Variants in RPS6KA1 observed in about 807,000 individuals in gnomAD.
The protein encoded by RPS6KA1 is ribosomal protein S6 kinase alpha-1.
RPS6KA1 carries 48 observed loss-of-function variants against 91.3 expected under a neutral mutation model. The ratio of observed to expected loss-of-function variants is 0.53; its 90% CI spans 0.42 to 0.67. The LOEUF is 0.67. Ranked by LOEUF, RPS6KA1 falls within the 30% of genes least tolerant of loss-of-function variation. The pLI, the probability that RPS6KA1 is intolerant of heterozygous loss-of-function variation, is 0.00. For missense variants in RPS6KA1, 719 were observed against 960.5 expected, an observed-to-expected ratio of 0.75 and a Z score of 3.32; for synonymous variants, 359 against 384.7, an observed-to-expected ratio of 0.93 and a Z score of 0.78.
intron 17 of RPS6KA1, among the ~76,000 whole-genome samples, chr1:26,565,465 C>T (rs2076191086): frequency 6.6e-6 from 1 of 152,136 alleles, no homozygotes; most frequent in Non-Finnish European, 1.5e-5. Flanking sequence ...TCCAGTTCTC[C>T]TGGAGCCCCC....
At chr1:26,537,610 A>G (rs1042902311) in intron 2 of RPS6KA1, among the ~76,000 whole-genome samples, 5 of 152,154 alleles carry the variant, frequency 3.3e-5, no homozygotes, top group Non-Finnish European at 5.9e-5. Flanking sequence ...GGTTCCTTGT[A>G]CACTCTGGGC....
rs545464196 is a variant in RPS6KA1, at chr1:26,546,021, C to T, written c.109-846C>T. ...GCCTGTCCCTGGCCCTGGCTCTGGC[C>T]CCCAGCGGGACTCGGTGAGTGTGCC... On this transcript the variant is annotated intron_variant, in intron 2 of 21. Transcript: ENST00000374168. The T allele has an allele frequency of 2.4e-4, 380 of 1,611,686 alleles. 4 individuals are homozygous for T. The South Asian group carries it at 3.6e-3, about 15-fold the overall frequency.
At chr1:26,546,807 G>A (rs2075998513) in intron 2 of RPS6KA1, 60 bp from the exon 3 acceptor site, 2 of 1,354,220 alleles carry the variant, frequency 1.5e-6, no homozygotes, top group African/African-American at 1.4e-5. Flanking sequence ...ACTTGGGCAG[G>A]GGAGCCTCCT....
At chr1:26,567,614 T>C (rs1044170102) in intron 17 of RPS6KA1, among the ~76,000 whole-genome samples, 1 of 151,988 alleles carries the variant, frequency 6.6e-6, no homozygotes, top group Non-Finnish European at 1.5e-5. Flanking sequence ...CTCCCAACCT[T>C]GTGATCTGCC....
Position 26,555,518 on chromosome 1 carries a change from G to A in RPS6KA1, c.828-19G>A, listed in dbSNP as rs896436132. 4.7e-5 allele frequency: 74 copies of A among 1,569,148 alleles called. No homozygotes were observed. Among genetic ancestry groups the A allele is most frequent in the Non-Finnish European group, 6.0e-5 (69 of 1,155,876 alleles). ...CTGGGGCAGGGCTCAGCCTTGATGAGTCCCGGGGGCTGTTTCAGGGCGAAG... is the reference window on the plus strand; with the variant it reads ...CTGGGGCAGGGCTCAGCCTTGATGAATCCCGGGGGCTGTTTCAGGGCGAAG... On this transcript the variant is annotated intron_variant, in intron 10 of 21. Transcript: ENST00000374168. The surrounding 1 kb of genome is among the most constrained non-coding windows in gnomAD (Gnocchi z 4.3).
Position 26,529,823 on chromosome 1 carries a change from G to A in RPS6KA1, c.-98G>A. 5.4e-6 allele frequency: 5 copies of A among 920,814 alleles called. No individual in the cohort carries two copies. In the South Asian group the frequency reaches 1.1e-4, roughly 20 times the overall value. The allele number at this position is 920,814 out of a possible 1,614,324, so 57.0% of individuals were successfully genotyped here. The stretch of plus-strand genomic sequence containing the variant: ...AGCCGGAGCGCGAGGGGCTCGGGGG[G>A]GCGCGGCGGTTCGGGTCGCAGAGCC... On this transcript the variant is annotated 5_prime_UTR_variant, in exon 1 of 22. Transcript: ENST00000374168. This position sits in a 1 kb window ranked among gnomAD's most constrained non-coding sequence, Gnocchi z 4.2.
rs2076004115 is a variant in RPS6KA1 at position 26,547,294 on chromosome 1, C to T, written c.307+24C>T. ...AGGTGAGTGGGGACACCTCCCTGTG[C>T]AGAACCCAGGCTTGGCTGAGGGAGG... On this transcript the variant is annotated intron_variant, in intron 4 of 21. Transcript: ENST00000374168. This position sits in a 1 kb window ranked among gnomAD's most constrained non-coding sequence, Gnocchi z 4.1. 3 of 1,604,984 alleles carry T rather than the reference C, an allele frequency of 1.9e-6. No individual in the cohort carries two copies. Among genetic ancestry groups the T allele is most frequent in the Non-Finnish European group, 2.6e-6 (3 of 1,173,944 alleles).
rs576380033 is a variant in RPS6KA1 at position 26,571,679 on chromosome 1, G to A, written c.1752+69G>A. ...GGAGGCCTTGTGCCCCCTCCCAGAG[G>A]CCCCACATTAGCCGGGACTCCAGTC... On this transcript the variant is annotated intron_variant, in intron 18 of 21. Coordinates refer to ENST00000374168, the MANE Select transcript of RPS6KA1 (RefSeq NM_002953.4). This position sits in a 1 kb window ranked among gnomAD's most constrained non-coding sequence, Gnocchi z 5.1. The A allele has an allele frequency of 1.3e-5, 20 of 1,564,356 alleles. No homozygotes were observed. In the African/African-American group the frequency reaches 2.4e-4, roughly 19 times the overall value.
Position 26,555,065 on chromosome 1 carries a change from C to A in RPS6KA1, c.757-86C>A. ...GGATGTATCAGCAAGAATCCTGGGACTGGGGCAGAGGGGTCTGACTGGGAG... is the reference window on the plus strand; with the variant it reads ...GGATGTATCAGCAAGAATCCTGGGAATGGGGCAGAGGGGTCTGACTGGGAG... On this transcript the variant is annotated intron_variant, in intron 9 of 21. Transcript: ENST00000374168. The surrounding 1 kb of genome is among the most constrained non-coding windows in gnomAD (Gnocchi z 4.3). 1 of 1,325,512 alleles carries A rather than the reference C, an allele frequency of 7.5e-7. No individual in the cohort carries two copies. The highest frequency in any genetic ancestry group is 1.1e-6 in the Non-Finnish European group (1 of 931,484). The allele number at this position is 1,325,512 out of a possible 1,614,324, so 82.1% of individuals were successfully genotyped here. A position where few individuals can be genotyped will look rare whatever the true frequency, so the allele number is the denominator to read the frequency against.
intron 1 of RPS6KA1, among the ~76,000 whole-genome samples, chr1:26,533,269 A>G (rs1259417490): frequency 1.3e-5 from 2 of 152,108 alleles, no homozygotes; most frequent in Admixed American, 6.5e-5. Flanking sequence ...TAGTAGAGTC[A>G]GGTTTTCACC....
Position 26,554,504 on chromosome 1 carries a change from C to T in RPS6KA1, c.614-92C>T. ...CTGAGTGTCATGGGGGTGATGCCTT[C>T]TGGCCTCTGGGCACGGGGGTTGGGT... On this transcript the variant is annotated intron_variant, in intron 8 of 21. Transcript: ENST00000374168. This position sits in a 1 kb window ranked among gnomAD's most constrained non-coding sequence, Gnocchi z 4.6. The T allele has an allele frequency of 6.6e-7, 1 of 1,510,544 alleles. No homozygotes were observed. Among genetic ancestry groups the T allele is most frequent in the Non-Finnish European group, 9.0e-7 (1 of 1,115,204 alleles). 93.6% of individuals were successfully genotyped at this position (1,510,544 alleles called of 1,614,324 possible).
intron 13 of RPS6KA1, among the ~76,000 whole-genome samples, chr1:26,557,619 A>T (rs2076114130): frequency 6.6e-6 from 1 of 152,146 alleles, no homozygotes; most frequent in African/African-American, 2.4e-5. Context: ...TGCTACAAGA[A>T]GCCAGTGAGG....
intron 2 of RPS6KA1, chr1:26,544,311 C>T: frequency 2.3e-6 from 1 of 428,492 alleles, no homozygotes; most frequent in South Asian, 1.7e-5. Flanking sequence ...GTACATGTCA[C>T]ATGTTAGGTG....
At chr1:26,541,045 C>A (rs2075943019) in intron 2 of RPS6KA1, among the ~76,000 whole-genome samples, 1 of 152,070 alleles carries the variant, frequency 6.6e-6, no homozygotes, top group Admixed American at 6.5e-5. Flanking sequence ...CCACCTCGGT[C>A]TCCCAAAGTG....
chr1:26,554,753 AG>A lies in RPS6KA1; in HGVS notation c.756+19del, dbSNP rs1488817050. ...GGGTGTTGATGGTGAGTGCCCAGAC[AG>A]GGGTAAAGGATCCAGCCCAAGCCTC... On this transcript the variant is annotated intron_variant, in intron 9 of 21. Transcript: ENST00000374168. The surrounding 1 kb of genome is among the most constrained non-coding windows in gnomAD (Gnocchi z 4.6). 1 of 1,587,604 alleles carries A rather than the reference AG, an allele frequency of 6.3e-7. No homozygotes were observed. The highest frequency in any genetic ancestry group is 8.6e-7 in the Non-Finnish European group (1 of 1,160,826).
rs1191100219 is a variant in RPS6KA1 at position 26,546,980 on chromosome 1, C to G, written c.222C>G (p.Gly74=). 2.5e-6 allele frequency: 4 copies of G among 1,612,314 alleles called. No individual in the cohort carries two copies. Among genetic ancestry groups the G allele is most frequent in the Non-Finnish European group, 3.4e-6 (4 of 1,178,432 alleles). ...AGGTTCTGGGCCAGGGATCCTTTGGCAAAGTGAGTCATGAGCCCATAGCTG... is the reference window on the plus strand; with the variant it reads ...AGGTTCTGGGCCAGGGATCCTTTGGGAAAGTGAGTCATGAGCCCATAGCTG... ...LLKVLGQGSF[G]KVFLVRKVTR... is the part of the protein sequence containing the mutation. The change falls in exon 3 of 22, where the codon GGC becomes GGG. Residue 74 remains glycine (G), a synonymous_variant. Transcript: ENST00000374168.
At chr1:26,563,308 C>G (rs2076170812) in intron 17 of RPS6KA1, among the ~76,000 whole-genome samples, 1 of 152,068 alleles carries the variant, frequency 6.6e-6, no homozygotes, top group Non-Finnish European at 1.5e-5. Flanking sequence ...TTCACTGCAG[C>G]CTTGACCTCC....
rs1382497201 is a variant in RPS6KA1 at position 26,551,631 on chromosome 1, TC to T, written c.389-10del. On this transcript the variant is annotated splice_polypyrimidine_tract_variant and intron_variant, in intron 5 of 21. Transcript: ENST00000374168. The surrounding 1 kb of genome is among the most constrained non-coding windows in gnomAD (Gnocchi z 4.5). Reference sequence around the variant, plus strand: ...CGCGCCGACTCTACCATTGCCTTTCTCCCTCTTCCCAGCCTTCCAGACCGAG... The same window carrying T: ...CGCGCCGACTCTACCATTGCCTTTCTCCTCTTCCCAGCCTTCCAGACCGAG... The T allele has an allele frequency of 6.2e-7, 1 of 1,613,454 alleles. No homozygotes were observed. Among genetic ancestry groups the T allele is most frequent in the African/African-American group, 1.3e-5 (1 of 74,910 alleles).
chr1:26,563,236 C>A (rs1557511383), intron 17 of RPS6KA1, among the ~76,000 whole-genome samples: 1 of 151,060 alleles, frequency 6.6e-6, no homozygotes, highest in Non-Finnish European at 1.5e-5. Flanking sequence ...ATCTCTCCCC[C>A]TTTTTTTTGA....
Sources: gnomAD v4.1 joint callset for allele counts (sites outside exome capture counted in the v4.1 genomes callset) on GRCh38, gnomAD v4.1.1 for gene constraint, Gnocchi (gnomAD v3.1) non-coding constraint, MANE v1.5 for transcripts, NCBI Gene and HGNC (gene_info 2026-07-23, HGNC 2026-07-21) for gene names.